The following ETV6 variants were observed in gnomAD, a reference collection of about 807,000 sequenced individuals.
ETV6 encodes transcription factor ETV6.
In ETV6, 16 loss-of-function variants were observed where a neutral mutation model predicts 51.1. The observed-to-expected ratio is 0.31, with a 90% CI of 0.21 to 0.48. The LOEUF is 0.48. Ranked by LOEUF, ETV6 falls within the 20% of genes least tolerant of loss-of-function variation. The probability of loss-of-function intolerance (pLI) is 0.99; values close to 1 mark genes in which losing one functional copy is unlikely to be tolerated. For missense variants in ETV6, 458 were observed against 594.8 expected, an observed-to-expected ratio of 0.77 and a Z score of 2.39; for synonymous variants, 240 against 224.1, an observed-to-expected ratio of 1.07 and a Z score of -0.64.
At chr12:11,829,569 C>T (rs1189729841) in intron 2 of ETV6, among the ~76,000 whole-genome samples, 8 of 152,142 alleles carry the variant, frequency 5.3e-5, no homozygotes, top group Non-Finnish European at 1.0e-4. Flanking sequence ...TTCTAAGTCA[C>T]GTTTGTGAGG....
intron 2 of ETV6, among the ~76,000 whole-genome samples, chr12:11,764,062 C>T (rs1044621882): frequency 6.6e-6 from 1 of 152,196 alleles, no homozygotes; most frequent in Admixed American, 6.5e-5. Context: ...CCTTTTGGAT[C>T]AGGCATTATT....
chr12:11,855,724 C>CA (rs949571356), intron 4 of ETV6, among the ~76,000 whole-genome samples: 1 of 152,202 alleles, frequency 6.6e-6, no homozygotes, highest in African/African-American at 2.4e-5. Context: ...GGAGAACGAA[C>CA]AGCATTTCGT....
At chr12:11,724,867 G>A (rs965487735) in intron 1 of ETV6, among the ~76,000 whole-genome samples, 2 of 152,196 alleles carry the variant, frequency 1.3e-5, no homozygotes, top group African/African-American at 2.4e-5. Flanking sequence ...ACATGAAATC[G>A]TAGGCAGACA....
intron 3 of ETV6, among the ~76,000 whole-genome samples, 171 bp from the exon 4 acceptor site, chr12:11,853,256 G>A (rs1204084443): frequency 1.3e-5 from 2 of 152,232 alleles, no homozygotes; most frequent in Non-Finnish European, 2.9e-5. Context: ...CTGACCTTTT[G>A]AGTTTCAAGT....
At chr12:11,838,958 G>A (rs139607654) in intron 2 of ETV6, among the ~76,000 whole-genome samples, 182 bp from the exon 3 acceptor site, 7 of 152,246 alleles carry the variant, frequency 4.6e-5, no homozygotes, top group African/African-American at 1.7e-4. Flanking sequence ...TCTGGGCTTC[G>A]AGAAGCCCCC....
chr12:11,803,777 T>C (rs1020316703), intron 2 of ETV6, among the ~76,000 whole-genome samples: 5 of 152,358 alleles, frequency 3.3e-5, no homozygotes, highest in East Asian at 1.9e-4. Flanking sequence ...GAATATGTTA[T>C]AAATACAGAA....
chr12:11,829,415 G>A (rs2954934), intron 2 of ETV6, among the ~76,000 whole-genome samples: 38,602 of 151,956 alleles, frequency 0.25, 4,985 homozygotes, highest in East Asian at 0.39. Context: ...ATTCAGACGC[G>A]TAACTAACCC....
intron 2 of ETV6, among the ~76,000 whole-genome samples, chr12:11,772,113 A>C (rs1422268684): frequency 6.6e-6 from 1 of 152,176 alleles, no homozygotes; most frequent in Non-Finnish European, 1.5e-5. Context: ...ATGTGTATAA[A>C]AACTTTCAGA....
chr12:11,714,836 G>A (rs1865245156), intron 1 of ETV6, among the ~76,000 whole-genome samples: 1 of 152,096 alleles, frequency 6.6e-6, no homozygotes, highest in Non-Finnish European at 1.5e-5. Context: ...GGGGAGGCAT[G>A]CTTGTGTGCT....
chr12:11,796,632 C>T (rs995329732), intron 2 of ETV6, among the ~76,000 whole-genome samples: 3 of 152,206 alleles, frequency 2.0e-5, no homozygotes, highest in Admixed American at 6.5e-5. Context: ...CCAGAGCTTC[C>T]GCTGTGCACT....
chr12:11,829,478 A>T (rs1349668632), intron 2 of ETV6, among the ~76,000 whole-genome samples: 1 of 152,200 alleles, frequency 6.6e-6, no homozygotes, highest in Non-Finnish European at 1.5e-5. Flanking sequence ...TTTGACTGCG[A>T]AACCCAAGGT....
At chr12:11,652,842 C>T (rs530296718) in intron 1 of ETV6, among the ~76,000 whole-genome samples, 2 of 152,268 alleles carry the variant, frequency 1.3e-5, no homozygotes, top group African/African-American at 2.4e-5. Flanking sequence ...ATGTGGTGGT[C>T]GCTCGCAATG....
chr12:11,864,928 C>T (rs1344199891), intron 4 of ETV6, among the ~76,000 whole-genome samples: 1 of 152,118 alleles, frequency 6.6e-6, no homozygotes, highest in South Asian at 2.1e-4. Context: ...TATTTTACAG[C>T]AAATCTCAGA....
chr12:11,869,555 C>T lies in ETV6; in HGVS notation c.595C>T (p.Arg199Trp), dbSNP rs373494708. The change falls in exon 5 of 8, where the codon CGG becomes TGG. Residue 199 changes from arginine to tryptophan, a missense_variant. Arg to Trp is a moderately radical substitution (Grantham distance 101, BLOSUM62 -3). Around this residue, in one of 4 missense-constraint regions of ETV6, gnomAD observed 293 missense variants for 315.7 expected, o/e 0.93. Transcript: ENST00000396373. This position sits in a 1 kb window ranked among gnomAD's most constrained non-coding sequence, Gnocchi z 5.0. ...NHRPSPDPEQ[R>W]PLRSPLDNMI... ...CCGGCCTTCTCCTGACCCCGAGCAG[C>T]GGCCCCTCCGGTCCCCCCTGGACAA... The T allele has an allele frequency of 1.1e-5, 17 of 1,614,180 alleles. No homozygotes were observed. Among genetic ancestry groups the T allele is most frequent in the Admixed American group, 1.7e-5 (1 of 60,020 alleles).
At chr12:11,673,259 C>T (rs1004827889) in intron 1 of ETV6, among the ~76,000 whole-genome samples, 1 of 151,808 alleles carries the variant, frequency 6.6e-6, no homozygotes, top group Non-Finnish European at 1.5e-5. Context: ...GGGGATTTGG[C>T]GGGGCAGGAT....
At chr12:11,829,322 A>G (rs35868427) in intron 2 of ETV6, among the ~76,000 whole-genome samples, 51,796 of 152,044 alleles carry the variant, frequency 0.34, 9,870 homozygotes, top group African/African-American at 0.51. Context: ...CAACATCTCT[A>G]TAGGGATCAC....
At chr12:11,856,429 A>G (rs1946633764) in intron 4 of ETV6, among the ~76,000 whole-genome samples, 1 of 152,194 alleles carries the variant, frequency 6.6e-6, no homozygotes, top group African/African-American at 2.4e-5. Context: ...GCCAGGAAGC[A>G]AGGTCTGAGA....
intron 4 of ETV6, among the ~76,000 whole-genome samples, chr12:11,857,281 A>G (rs930040901): frequency 2.4e-4 from 37 of 152,208 alleles, no homozygotes; most frequent in Admixed American, 1.2e-3. Context: ...CTTCGTTAGT[A>G]GCCACGTGGC....
intron 4 of ETV6, among the ~76,000 whole-genome samples, chr12:11,855,918 C>T (rs540669411): frequency 5.3e-5 from 8 of 152,328 alleles, no homozygotes; most frequent in East Asian, 3.9e-4. Context: ...TGAAGCTTGA[C>T]ATTAAGGCAA....
Sources: gnomAD v4.1 joint callset for allele counts (sites outside exome capture counted in the v4.1 genomes callset) on GRCh38, gnomAD v4.1.1 for gene constraint, gnomAD v4.1.1 regional missense constraint, Gnocchi (gnomAD v3.1) non-coding constraint, MANE v1.5 for transcripts, NCBI Gene and HGNC (gene_info 2026-07-23, HGNC 2026-07-21) for gene names.